The following DTD1 variants were observed in gnomAD, a reference collection of about 807,000 sequenced individuals.
DTD1 encodes the protein D-tyrosyl-tRNA deacylase 1 homolog.
In DTD1, 13 loss-of-function variants were observed where a neutral mutation model predicts 25.6. The ratio of observed to expected loss-of-function variants is 0.51; its 90% CI spans 0.33 to 0.81. The LOEUF (loss-of-function observed/expected upper bound fraction) is 0.81, where lower values mean the gene tolerates loss of function less well. DTD1 is among the 30% of genes least tolerant of loss of function. The probability of loss-of-function intolerance (pLI) is 0.02; values close to 1 mark genes in which losing one functional copy is unlikely to be tolerated. For missense variants in DTD1, 193 were observed against 266.4 expected (o/e 0.72, Z 1.92); for synonymous variants, 110 against 103.6 (o/e 1.06, Z -0.37).
At chr20:18,625,287 C>T (rs6045519) in intron 3 of DTD1, among the ~76,000 whole-genome samples, 2 of 152,240 alleles carry the variant, frequency 1.3e-5, no homozygotes, top group Non-Finnish European at 2.9e-5. Flanking sequence ...CCTGAAGGGC[C>T]TGTAATACAC....
intron 4 of DTD1, among the ~76,000 whole-genome samples, chr20:18,700,195 G>A (rs1370117017): frequency 2.0e-5 from 3 of 152,190 alleles, no homozygotes; most frequent in Non-Finnish European, 4.4e-5. Context: ...TGTGTCTCAT[G>A]ACTACTGATG....
At chr20:18,640,425 A>G (rs1455332305) in intron 4 of DTD1, among the ~76,000 whole-genome samples, 2 of 152,166 alleles carry the variant, frequency 1.3e-5, no homozygotes, top group African/African-American at 4.8e-5. Flanking sequence ...AGCGCCGTTA[A>G]TAAGTTCTAT....
At chr20:18,744,708 C>T (rs1211623113) in intron 5 of DTD1, among the ~76,000 whole-genome samples, 1 of 150,310 alleles carries the variant, frequency 6.7e-6, no homozygotes, top group Non-Finnish European at 1.5e-5. Context: ...GAGACTTGTT[C>T]ACTACCAAGA....
At chr20:18,689,632 G>A (rs1376667343) in intron 4 of DTD1, among the ~76,000 whole-genome samples, 1 of 152,064 alleles carries the variant, frequency 6.6e-6, no homozygotes, top group Non-Finnish European at 1.5e-5. Context: ...TAAAATTACA[G>A]TGCATGTGGA....
At chr20:18,632,583 C>CAATAAAA (rs2060792778) in intron 4 of DTD1, 1 of 984,998 alleles carries the variant, frequency 1.0e-6, no homozygotes, top group African/African-American at 1.7e-5. Flanking sequence ...GTGTTTCTAT[C>CAATAAAA]AATTAAGCTT....
At chr20:18,601,749 A>G (rs1455818712) in intron 3 of DTD1, among the ~76,000 whole-genome samples, 1 of 152,100 alleles carries the variant, frequency 6.6e-6, no homozygotes, top group Non-Finnish European at 1.5e-5. Context: ...AACAGAAAGG[A>G]CATCCACACC....
chr20:18,655,830 G>A (rs1215067844), intron 4 of DTD1, among the ~76,000 whole-genome samples: 6 of 152,068 alleles, frequency 3.9e-5, no homozygotes, highest in Non-Finnish European at 7.4e-5. Flanking sequence ...GAGTGCAATG[G>A]CGTGATCCGG....
rs997028433 is a variant in DTD1 at position 18,598,664 on chromosome 20, A to AT, written c.370+2432dup. ...AGACACCAGCCACCACACCCGGCTA[A>AT]TTTTTTTTTGTATTTTTTTTTTTTT... On this transcript the variant is annotated intron_variant, in intron 3 of 5. Coordinates refer to ENST00000377452, the MANE Select transcript of DTD1 (RefSeq NM_080820.6). Among the ~76,000 whole-genome samples, 59 of 132,926 alleles carry AT rather than the reference A, an allele frequency of 4.4e-4. 1 individual carries two copies. Among genetic ancestry groups the AT allele is most frequent in the African/African-American group, 1.4e-3 (51 of 36,160 alleles). 87.2% of individuals were successfully genotyped at this position (132,926 alleles called of 152,430 possible).
intron 4 of DTD1, among the ~76,000 whole-genome samples, chr20:18,720,698 AC>A (rs1429162448): frequency 2.0e-5 from 3 of 152,102 alleles, no homozygotes; most frequent in Non-Finnish European, 4.4e-5. Context: ...TACAAAAAAA[AC>A]ATACAAAAAT....
At chr20:18,725,459 A>G (rs2061219732) in intron 4 of DTD1, among the ~76,000 whole-genome samples, 1 of 152,226 alleles carries the variant, frequency 6.6e-6, no homozygotes, top group Admixed American at 6.5e-5. Context: ...GTTCATAAGC[A>G]AATAGTTTGA....
intron 1 of DTD1, among the ~76,000 whole-genome samples, chr20:18,591,010 C>G (rs949020699): frequency 6.6e-6 from 1 of 152,188 alleles, no homozygotes; most frequent in Non-Finnish European, 1.5e-5. Context: ...GTAGAGATCT[C>G]AGGTCTGATG....
chr20:18,711,463 C>CT (rs1808981810), intron 4 of DTD1, among the ~76,000 whole-genome samples: 1 of 152,040 alleles, frequency 6.6e-6, no homozygotes, highest in Non-Finnish European at 1.5e-5. Context: ...GTTTCCTGGC[C>CT]TTTGTTGCCT....
In DTD1 at chr20:18,748,096, C is replaced by T. The variant is rs150043073; in HGVS notation, c.*19+3825C>T. Among the ~76,000 whole-genome samples, 30 of 152,046 alleles carry T rather than the reference C, an allele frequency of 2.0e-4. No individual in the cohort carries two copies. In the East Asian group the frequency reaches 4.6e-3, roughly 24 times the overall value. ...AGACTCCCATCATGAACTTAATGAA[C>T]GGGAGAGGGAGAAACATACAAGCCC... On this transcript the variant is annotated intron_variant, in intron 5 of 5. Coordinates refer to ENST00000377452, the MANE Select transcript of DTD1 (RefSeq NM_080820.6).
chr20:18,641,284 A>G (rs1296820733), intron 4 of DTD1, among the ~76,000 whole-genome samples: 1 of 152,196 alleles, frequency 6.6e-6, no homozygotes, highest in East Asian at 1.9e-4. Context: ...CATTATTGTG[A>G]ATAGCGCTGC....
intron 4 of DTD1, among the ~76,000 whole-genome samples, chr20:18,705,570 C>G (rs578106753): frequency 5.3e-5 from 8 of 152,246 alleles, no homozygotes; most frequent in Admixed American, 1.3e-4. Context: ...TGCCTTTACT[C>G]CTGTGCTTTC....
At chr20:18,620,022 A>G (rs1568648239) in intron 3 of DTD1, 1 of 151,812 alleles carries the variant, frequency 6.6e-6, no homozygotes, top group Non-Finnish European at 1.5e-5. Context: ...TTTCATTTCT[A>G]TCTATTCTTT....
intron 4 of DTD1, among the ~76,000 whole-genome samples, chr20:18,669,250 G>C (rs1031198400): frequency 2.6e-5 from 4 of 152,230 alleles, no homozygotes; most frequent in Non-Finnish European, 5.9e-5. Flanking sequence ...GGAAGCCGTA[G>C]CTCTGGAGTC....
intron 4 of DTD1, among the ~76,000 whole-genome samples, chr20:18,671,874 T>C (rs569059850): frequency 1.4e-4 from 22 of 152,132 alleles, no homozygotes; most frequent in Non-Finnish European, 2.9e-4. Flanking sequence ...AACTTCTCCA[T>C]TTACAGTCAC....
intron 3 of DTD1, among the ~76,000 whole-genome samples, chr20:18,613,553 C>T (rs958713315): frequency 3.9e-5 from 6 of 152,152 alleles, no homozygotes; most frequent in Admixed American, 3.3e-4. Flanking sequence ...CATTTTATTC[C>T]CACTAGTCTG....
Sources: allele counts gnomAD v4.1 joint callset (sites outside exome capture counted in the v4.1 genomes callset), GRCh38; gene constraint gnomAD v4.1.1; transcripts MANE v1.5; gene names NCBI Gene and HGNC (gene_info 2026-07-23, HGNC 2026-07-21).